The following SDK1 variants were observed in gnomAD, a reference collection of about 807,000 sequenced individuals.
SDK1 encodes sidekick cell adhesion molecule 1.
A neutral mutation model predicts 245.5 loss-of-function variants in SDK1; 157 were observed. That is an observed-to-expected ratio of 0.64 (90% CI 0.56 to 0.73). The LOEUF (loss-of-function observed/expected upper bound fraction) is 0.73, where lower values mean the gene tolerates loss of function less well. SDK1 is among the 30% of genes least tolerant of loss of function. SDK1 has a pLI of 0.00. For synonymous variants in SDK1, 1,647 were observed against 1,278.5 expected (o/e 1.29, Z -6.15); for missense variants, 3,583 against 3,002.3 (o/e 1.19, Z -4.52).
intron 1 of SDK1, among the ~76,000 whole-genome samples, chr7:3,531,788 A>C (rs79292689): frequency 9.2e-5 from 14 of 152,242 alleles, no homozygotes; most frequent in African/African-American, 3.4e-4. Flanking sequence ...TATCTGAACA[A>C]TGTAAAGTGT....
intron 22 of SDK1, among the ~76,000 whole-genome samples, chr7:4,106,487 A>G (rs769375128): frequency 2.0e-5 from 3 of 151,908 alleles, no homozygotes; most frequent in Admixed American, 6.5e-5. Context: ...TAGGAAAGAC[A>G]GGGTTTCACC....
intron 1 of SDK1, among the ~76,000 whole-genome samples, chr7:3,544,086 G>T (rs1185164480): frequency 6.6e-6 from 1 of 151,998 alleles, no homozygotes; most frequent in African/African-American, 2.4e-5. Context: ...TTGACTAAAG[G>T]CCTTTCTCCT....
chr7:3,483,501 G>C (rs150135174), intron 1 of SDK1, among the ~76,000 whole-genome samples: 349 of 152,124 alleles, frequency 2.3e-3, no homozygotes, highest in African/African-American at 8.2e-3. Context: ...CATATTGTTT[G>C]TAAATTGTGA....
intron 4 of SDK1, among the ~76,000 whole-genome samples, chr7:3,789,777 C>G (rs1781022232): frequency 6.6e-6 from 1 of 152,120 alleles, no homozygotes; most frequent in African/African-American, 2.4e-5. Flanking sequence ...GATGAGATGG[C>G]TTGTGAGACC....
At chr7:3,847,346 C>T (rs1434169941) in intron 5 of SDK1, among the ~76,000 whole-genome samples, 2 of 152,210 alleles carry the variant, frequency 1.3e-5, no homozygotes, top group Non-Finnish European at 2.9e-5. Flanking sequence ...GTCTTAAATT[C>T]TTTCCTTCTT....
At chr7:4,222,998 A>C (rs1785226737) in intron 40 of SDK1, among the ~76,000 whole-genome samples, 1 of 152,010 alleles carries the variant, frequency 6.6e-6, no homozygotes, top group Non-Finnish European at 1.5e-5. Flanking sequence ...AAACCACTTC[A>C]GACACTTTCC....
chr7:3,561,775 T>A (rs1293303811), intron 1 of SDK1, among the ~76,000 whole-genome samples: 1 of 152,200 alleles, frequency 6.6e-6, no homozygotes, highest in Admixed American at 6.5e-5. Flanking sequence ...AATACACTGT[T>A]TCTAACAAGC....
intron 1 of SDK1, among the ~76,000 whole-genome samples, chr7:3,584,203 C>G (rs1780608530): frequency 6.6e-6 from 1 of 152,108 alleles, no homozygotes; most frequent in Non-Finnish European, 1.5e-5. Flanking sequence ...TCTTAGGGCC[C>G]TTAATATGCT....
intron 1 of SDK1, among the ~76,000 whole-genome samples, chr7:3,565,422 G>A (rs563236028): frequency 6.6e-5 from 10 of 152,274 alleles, no homozygotes; most frequent in African/African-American, 9.6e-5. Flanking sequence ...TTAACATAGC[G>A]TTTTCATTTT....
Position 4,108,233 on chromosome 7 carries a change from G to A in SDK1, c.3325-2430G>A, listed in dbSNP as rs1783077891. ...AAGGCAGCTGCCATGGGCCCTGATGGGGGATAGGGAGGCCTCAGTCCTGTC... is the reference window on the plus strand; with the variant it reads ...AAGGCAGCTGCCATGGGCCCTGATGAGGGATAGGGAGGCCTCAGTCCTGTC... On this transcript the variant is annotated intron_variant, in intron 22 of 44. Transcript: ENST00000404826. Among the ~76,000 whole-genome samples, 3 of 152,126 alleles carry A rather than the reference G, an allele frequency of 2.0e-5. No individual in the cohort carries two copies. The South Asian group carries it at 6.2e-4, about 32-fold the overall frequency.
intron 4 of SDK1, among the ~76,000 whole-genome samples, chr7:3,658,749 C>T (rs757725750): frequency 3.3e-5 from 5 of 151,926 alleles, no homozygotes; most frequent in African/African-American, 9.6e-5. Flanking sequence ...TGAGTAGCTG[C>T]GACTACAGAC....
chr7:3,909,391 G>A (rs954181804), intron 5 of SDK1, among the ~76,000 whole-genome samples: 3 of 152,192 alleles, frequency 2.0e-5, no homozygotes, highest in African/African-American at 7.2e-5. Flanking sequence ...AGCAGCTGTG[G>A]AGCAGGGGTG....
chr7:4,000,015 TG>T (rs1784957438), intron 14 of SDK1, among the ~76,000 whole-genome samples: 1 of 152,102 alleles, frequency 6.6e-6, no homozygotes, highest in African/African-American at 2.4e-5. Context: ...AACCTGGCAG[TG>T]GCCTACAGGG....
intron 1 of SDK1, among the ~76,000 whole-genome samples, chr7:3,599,115 T>TTTTTTTTTTC (rs1562592362): frequency 1.0e-5 from 1 of 96,808 alleles, no homozygotes; most frequent in African/African-American, 3.8e-5. Flanking sequence ...TTTTTTTTTT[T>TTTTTTTTTTC]ACATCCTCAC....
chr7:4,000,009 TG>T (rs1186572373), intron 14 of SDK1, among the ~76,000 whole-genome samples: 2 of 152,134 alleles, frequency 1.3e-5, no homozygotes, highest in Non-Finnish European at 2.9e-5. Context: ...AAGATTAACC[TG>T]GCAGTGGCCT....
intron 14 of SDK1, among the ~76,000 whole-genome samples, chr7:3,998,721 C>G (rs1226944563): frequency 6.6e-6 from 1 of 152,124 alleles, no homozygotes; most frequent in Non-Finnish European, 1.5e-5. Context: ...GGAGTTAATC[C>G]CATATCTTCA....
chr7:3,680,218 C>G (rs1382931279), intron 4 of SDK1, among the ~76,000 whole-genome samples: 1 of 152,116 alleles, frequency 6.6e-6, no homozygotes, highest in Non-Finnish European at 1.5e-5. Flanking sequence ...TGTGTGAGTC[C>G]ATTTATATTG....
intron 1 of SDK1, among the ~76,000 whole-genome samples, chr7:3,478,623 G>T (rs1009752336): frequency 6.6e-6 from 1 of 151,920 alleles, no homozygotes; most frequent in Non-Finnish European, 1.5e-5. Context: ...AATGTTGCTG[G>T]AGGTTTATTG....
In SDK1 at chr7:3,792,691, C is replaced by CCCAT. The variant is rs71029696; in HGVS notation, c.714-28732_714-28729dup. ...CTACTACCCCCTCCTCCTGCAGTCTCCCATCCATCCATCCATCCATCCATC... is the reference window on the plus strand; with the variant it reads ...CTACTACCCCCTCCTCCTGCAGTCTCCCATCCATCCATCCATCCATCCATCCATC... On this transcript the variant is annotated intron_variant, in intron 4 of 44. Transcript: ENST00000404826. Among the ~76,000 whole-genome samples, 511 of 148,096 alleles carry CCCAT rather than the reference C, an allele frequency of 3.5e-3. 3 individuals are homozygous for CCCAT. Among genetic ancestry groups the CCCAT allele is most frequent in the South Asian group, 5.2e-3 (24 of 4,578 alleles).
Sources: allele counts gnomAD v4.1 joint callset (sites outside exome capture counted in the v4.1 genomes callset), GRCh38; gene constraint gnomAD v4.1.1; transcripts MANE v1.5; gene names NCBI Gene and HGNC (gene_info 2026-07-23, HGNC 2026-07-21).